The following APBB1IP variants were observed in gnomAD, a reference collection of about 807,000 sequenced individuals.
APBB1IP encodes the protein amyloid beta A4 precursor protein-binding family B member 1-interacting protein.
A neutral mutation model predicts 64.9 loss-of-function variants in APBB1IP; 27 were observed. That is an observed-to-expected ratio of 0.42 (90% CI 0.31 to 0.57). The LOEUF (loss-of-function observed/expected upper bound fraction) is 0.57, where lower values mean the gene tolerates loss of function less well. Ranked by LOEUF, APBB1IP falls within the 20% of genes least tolerant of loss-of-function variation. APBB1IP has a pLI of 0.20. For synonymous variants in APBB1IP, 392 were observed against 331.0 expected, an observed-to-expected ratio of 1.18 and a Z score of -2.00; for missense variants, 812 against 845.5, an observed-to-expected ratio of 0.96 and a Z score of 0.49.
intron 5 of APBB1IP, chr10:26,501,929 C>G (rs1270168239): frequency 6.6e-6 from 1 of 152,164 alleles, no homozygotes; most frequent in Non-Finnish European, 1.5e-5. Context: ...TTAAATTATA[C>G]TCTATCACAC....
At chr10:26,551,076 TCTGTGGACCATGC>T in intron 11 of APBB1IP, among the ~76,000 whole-genome samples, 1 of 152,332 alleles carries the variant, frequency 6.6e-6, no homozygotes, top group Non-Finnish European at 1.5e-5. Context: ...GTCCAGAGGT[TCTGTGGACCATGC>T]CTCCCACAGC....
chr10:26,555,188 C>T (rs1035764070), intron 11 of APBB1IP, among the ~76,000 whole-genome samples: 1 of 152,144 alleles, frequency 6.6e-6, no homozygotes, highest in Non-Finnish European at 1.5e-5. Flanking sequence ...TCTTATTCTT[C>T]ACTCCAGATC....
chr10:26,507,922 A>G (rs939745495), intron 6 of APBB1IP, among the ~76,000 whole-genome samples: 3 of 152,166 alleles, frequency 2.0e-5, no homozygotes, highest in Admixed American at 6.5e-5. Flanking sequence ...AAGTGTTGCC[A>G]TGATTTAGTT....
intron 2 of APBB1IP, among the ~76,000 whole-genome samples, chr10:26,477,444 G>A (rs1181835814): frequency 6.6e-6 from 1 of 152,184 alleles, no homozygotes; most frequent in Non-Finnish European, 1.5e-5. Flanking sequence ...TGACTTTGCA[G>A]AGTGGAATGA....
At chr10:26,475,425 C>T (rs1835764260) in intron 2 of APBB1IP, among the ~76,000 whole-genome samples, 1 of 151,976 alleles carries the variant, frequency 6.6e-6, no homozygotes, top group African/African-American at 2.4e-5. Flanking sequence ...CTGGCCTTCC[C>T]TTGCTTTTTC....
At chr10:26,523,010 C>CAAAAAA (rs35641109) in intron 8 of APBB1IP, among the ~76,000 whole-genome samples, 3 of 64,726 alleles carry the variant, frequency 4.6e-5, no homozygotes, top group East Asian at 7.8e-4. Context: ...ACTCCATCTC[C>CAAAAAA]AAAAAAAAAA....
chr10:26,499,000 A>G (rs1230555421), intron 4 of APBB1IP, among the ~76,000 whole-genome samples: 1 of 152,180 alleles, frequency 6.6e-6, no homozygotes, highest in African/African-American at 2.4e-5. Context: ...GCCTGTAATC[A>G]TGCTTGTAAT....
chr10:26,440,094 GTCCTTAAACTATTAA>G (rs1345227779), intron 2 of APBB1IP, among the ~76,000 whole-genome samples: 2 of 152,152 alleles, frequency 1.3e-5, no homozygotes, highest in African/African-American at 2.4e-5. Context: ...AATAATGTGT[GTCCTTAAACTATTAA>G]TCCTTAAACT....
intron 2 of APBB1IP, among the ~76,000 whole-genome samples, chr10:26,448,065 A>G (rs770328003): frequency 3.9e-5 from 6 of 152,210 alleles, no homozygotes; most frequent in Non-Finnish European, 8.8e-5. Context: ...AATTGTTTGA[A>G]GTTATATTAA....
chr10:26,491,017 T>A (rs1271973473), intron 2 of APBB1IP, among the ~76,000 whole-genome samples: 1 of 152,038 alleles, frequency 6.6e-6, no homozygotes, highest in African/African-American at 2.4e-5. Flanking sequence ...GATGGCTCAA[T>A]CTTGTAATCC....
chr10:26,526,106 G>T (rs184559907), intron 8 of APBB1IP, among the ~76,000 whole-genome samples: 4 of 152,294 alleles, frequency 2.6e-5, no homozygotes, highest in Admixed American at 2.6e-4. Context: ...TTGGGATAGC[G>T]TGTCCTAAAC....
At chr10:26,470,530 C>T (rs1361951519) in intron 2 of APBB1IP, among the ~76,000 whole-genome samples, 2 of 152,174 alleles carry the variant, frequency 1.3e-5, no homozygotes, top group Non-Finnish European at 2.9e-5. Flanking sequence ...CAGAGCGAGA[C>T]TCCATCTCAA....
intron 11 of APBB1IP, among the ~76,000 whole-genome samples, chr10:26,557,600 T>C (rs1320379411): frequency 1.3e-5 from 2 of 152,218 alleles, no homozygotes; most frequent in African/African-American, 4.8e-5. Context: ...AGGTGGTTAG[T>C]CAGGAGACCC....
intron 2 of APBB1IP, among the ~76,000 whole-genome samples, chr10:26,446,890 A>AG (rs1491204826): frequency 0.11 from 15,470 of 137,464 alleles, 904 homozygotes; most frequent in East Asian, 0.18. Context: ...AGATAGATAG[A>AG]AATAGATAGA....
intron 11 of APBB1IP, among the ~76,000 whole-genome samples, chr10:26,546,454 T>A (rs1431898407): frequency 6.6e-6 from 1 of 152,218 alleles, no homozygotes; most frequent in Non-Finnish European, 1.5e-5. Flanking sequence ...CCCATAGTAA[T>A]TGTACATTAT....
At chr10:26,553,577 G>A (rs532624392) in intron 11 of APBB1IP, among the ~76,000 whole-genome samples, 53 of 152,228 alleles carry the variant, frequency 3.5e-4, no homozygotes, top group African/African-American at 1.2e-3. Context: ...AGAATCACTT[G>A]AGCCCAGGCG....
intron 2 of APBB1IP, among the ~76,000 whole-genome samples, chr10:26,481,824 T>G (rs922884385): frequency 2.3e-5 from 3 of 127,692 alleles, no homozygotes; most frequent in African/African-American, 9.2e-5. Flanking sequence ...CCCATCTCAT[T>G]ACGTGTGTGT....
chr10:26,490,224 T>C (rs539062372), intron 2 of APBB1IP, among the ~76,000 whole-genome samples: 1 of 152,344 alleles, frequency 6.6e-6, no homozygotes, highest in African/African-American at 2.4e-5. Context: ...TTCAAGGTAA[T>C]TTATTCAAGG....
At chr10:26,481,761 T>G (rs1307996964) in intron 2 of APBB1IP, among the ~76,000 whole-genome samples, 1 of 151,978 alleles carries the variant, frequency 6.6e-6, no homozygotes, top group Admixed American at 6.6e-5. Flanking sequence ...GTGCTGAATT[T>G]CAGGTGTAAC....
Sources: allele counts gnomAD v4.1 joint callset (sites outside exome capture counted in the v4.1 genomes callset), GRCh38; gene constraint gnomAD v4.1.1; transcripts MANE v1.5; gene names NCBI Gene and HGNC (gene_info 2026-07-23, HGNC 2026-07-21).